The following PBX4 variants were observed in gnomAD, a reference collection of about 807,000 sequenced individuals.
PBX4 encodes the protein pre-B-cell leukemia transcription factor 4.
In PBX4, 26 loss-of-function variants were observed where a neutral mutation model predicts 35.1. That is an observed-to-expected ratio of 0.74 (90% CI 0.54 to 1.03). The LOEUF (loss-of-function observed/expected upper bound fraction) is 1.03. Ranked by LOEUF, PBX4 falls within the 50% of genes least tolerant of loss-of-function variation. The pLI is 0.00. For missense variants in PBX4, 448 were observed against 504.3 expected (o/e 0.89, Z 1.07); for synonymous variants, 199 against 204.2 (o/e 0.97, Z 0.22).
chr19:19,573,326 A>ATAC (rs1410786143), intron 2 of PBX4, among the ~76,000 whole-genome samples: 8 of 81,738 alleles, frequency 9.8e-5, no homozygotes, highest in Admixed American at 1.3e-4. Context: ...AAAAAAAAAA[A>ATAC]ATATACACAC....
At chr19:19,583,350 C>G (rs1281800056) in intron 2 of PBX4, among the ~76,000 whole-genome samples, 1 of 152,072 alleles carries the variant, frequency 6.6e-6, no homozygotes, top group Non-Finnish European at 1.5e-5. Context: ...AGTGGCTCAC[C>G]CTGTAATCCC....
chr19:19,597,733 G>A (rs1256087062), intron 2 of PBX4, among the ~76,000 whole-genome samples: 1 of 152,200 alleles, frequency 6.6e-6, no homozygotes, highest in East Asian at 1.9e-4. Context: ...GACACGTTGT[G>A]CAGATGACCC....
chr19:19,604,692 C>T (rs1418841665), intron 1 of PBX4, among the ~76,000 whole-genome samples: 3 of 151,906 alleles, frequency 2.0e-5, no homozygotes, highest in Admixed American at 6.6e-5. Flanking sequence ...CCTCCACCTC[C>T]CAGGTTCAAG....
chr19:19,571,961 A>T (rs1383425935), intron 2 of PBX4, among the ~76,000 whole-genome samples: 1 of 130,750 alleles, frequency 7.6e-6, no homozygotes, highest in Non-Finnish European at 1.6e-5. Context: ...TGAACCTGGG[A>T]GGCAGAGGAT....
intron 2 of PBX4, among the ~76,000 whole-genome samples, chr19:19,574,204 T>C (rs796652243): frequency 4.6e-5 from 7 of 152,316 alleles, no homozygotes; most frequent in African/African-American, 1.7e-4. Context: ...CCACCAAGTC[T>C]ATGAAAAATC....
chr19:19,583,240 T>C (rs895903466), intron 2 of PBX4, among the ~76,000 whole-genome samples: 1 of 151,888 alleles, frequency 6.6e-6, no homozygotes, highest in Non-Finnish European at 1.5e-5. Flanking sequence ...GATCGTGCCA[T>C]TGCACTCCAG....
intron 1 of PBX4, among the ~76,000 whole-genome samples, chr19:19,604,797 T>C (rs2061619922): frequency 6.6e-6 from 1 of 151,388 alleles, no homozygotes; most frequent in Admixed American, 6.7e-5. Flanking sequence ...AGACAGGGTT[T>C]CATGGTATTA....
chr19:19,563,499 T>G lies in PBX4; in HGVS notation c.1032+10A>C. On this transcript the variant is annotated intron_variant, in intron 7 of 7. Coordinates refer to ENST00000251203, the MANE Select transcript of PBX4 (RefSeq NM_025245.3). The surrounding 1 kb of genome is among the most constrained non-coding windows in gnomAD (Gnocchi z 5.1). Reference sequence around the variant, plus strand: ...CACCTGGGCGCTGTGGGACAGTGCCTGAGACTCACCTGGGACTGCAGGCAG... The same window carrying G: ...CACCTGGGCGCTGTGGGACAGTGCCGGAGACTCACCTGGGACTGCAGGCAG... The G allele has an allele frequency of 6.5e-7, 1 of 1,544,072 alleles. No individual in the cohort carries two copies. The highest frequency in any genetic ancestry group is 8.8e-7 in the Non-Finnish European group (1 of 1,142,012).
intron 2 of PBX4, among the ~76,000 whole-genome samples, chr19:19,583,812 G>T (rs1032244523): frequency 6.6e-6 from 1 of 152,076 alleles, no homozygotes; most frequent in African/African-American, 2.4e-5. Context: ...GCTCACGCCT[G>T]TAAACCCAGC....
At chr19:19,569,295 A>G (rs1432741113) in intron 5 of PBX4, among the ~76,000 whole-genome samples, 154 bp downstream of exon 5, 1 of 152,034 alleles carries the variant, frequency 6.6e-6, no homozygotes, top group Admixed American at 6.6e-5. Context: ...CCTGGCCTCA[A>G]GCGACCCTCC....
chr19:19,569,787 G>A (rs1385540778), intron 4 of PBX4, among the ~76,000 whole-genome samples: 1 of 152,168 alleles, frequency 6.6e-6, no homozygotes, highest in Non-Finnish European at 1.5e-5. Context: ...GCGGGAGCCT[G>A]TAATCCCAGC....
chr19:19,603,901 G>C (rs975053555), intron 1 of PBX4, among the ~76,000 whole-genome samples: 2 of 147,580 alleles, frequency 1.4e-5, no homozygotes, highest in Admixed American at 1.4e-4. Flanking sequence ...GGTGGAGGTT[G>C]CAGTGAGCCG....
At chr19:19,613,103 G>A (rs1222397811) in intron 1 of PBX4, among the ~76,000 whole-genome samples, 2 of 151,742 alleles carry the variant, frequency 1.3e-5, no homozygotes, top group Non-Finnish European at 2.9e-5. Flanking sequence ...GATTACAGGC[G>A]TGAGCCACTG....
intron 2 of PBX4, among the ~76,000 whole-genome samples, chr19:19,591,517 C>T (rs1016121071): frequency 1.3e-5 from 2 of 152,234 alleles, no homozygotes; most frequent in Non-Finnish European, 2.9e-5. Flanking sequence ...AGGGTTCCTG[C>T]AGCACAACAG....
intron 1 of PBX4, among the ~76,000 whole-genome samples, chr19:19,603,472 C>A (rs1465462970): frequency 3.3e-5 from 5 of 152,062 alleles, no homozygotes; most frequent in Non-Finnish European, 5.9e-5. Flanking sequence ...CTACACACAG[C>A]TAATTTTTGT....
intron 1 of PBX4, among the ~76,000 whole-genome samples, chr19:19,607,138 C>T (rs1255671828): frequency 1.3e-5 from 2 of 152,150 alleles, no homozygotes; most frequent in South Asian, 2.1e-4. Flanking sequence ...ACTGCAACCT[C>T]TGTCTCCTAG....
At chr19:19,587,542 C>G (rs897240025) in intron 2 of PBX4, among the ~76,000 whole-genome samples, 1 of 143,008 alleles carries the variant, frequency 7.0e-6, no homozygotes. Flanking sequence ...GAGCCAAGAT[C>G]GAGCCATTGC....
chr19:19,597,611 T>C (rs1210420510), intron 2 of PBX4, among the ~76,000 whole-genome samples: 1 of 152,178 alleles, frequency 6.6e-6, no homozygotes, highest in Non-Finnish European at 1.5e-5. Context: ...TTGTACAACA[T>C]ATACACACAC....
At chr19:19,605,446 T>TAATAATAATAATAATAATAATAATAAC (rs777835008) in intron 1 of PBX4, among the ~76,000 whole-genome samples, 1 of 99,978 alleles carries the variant, frequency 1.0e-5, no homozygotes, top group Non-Finnish European at 2.6e-5. Context: ...ATAATAATAA[T>TAATAATAATAATAATAATAATAATAAC]AACAATAATA....
Sources: gnomAD v4.1 joint callset for allele counts (sites outside exome capture counted in the v4.1 genomes callset) on GRCh38, gnomAD v4.1.1 for gene constraint, Gnocchi (gnomAD v3.1) non-coding constraint, MANE v1.5 for transcripts, NCBI Gene and HGNC (gene_info 2026-07-23, HGNC 2026-07-21) for gene names.